The following TMEM117 variants were observed in gnomAD, a reference collection of about 807,000 sequenced individuals.
TMEM117 encodes transmembrane protein 117.
In TMEM117, 27 loss-of-function variants were observed where a neutral mutation model predicts 52.4. The observed-to-expected ratio is 0.51, with a 90% CI of 0.38 to 0.71. The LOEUF (loss-of-function observed/expected upper bound fraction) is 0.71. Ranked by LOEUF, TMEM117 falls within the 30% of genes least tolerant of loss-of-function variation. The pLI, the probability that TMEM117 is intolerant of heterozygous loss-of-function variation, is 0.00. For synonymous variants in TMEM117, 215 were observed against 206.3 expected (o/e 1.04, Z -0.36); for missense variants, 556 against 630.5 (o/e 0.88, Z 1.26).
intron 3 of TMEM117, among the ~76,000 whole-genome samples, chr12:44,077,768 A>G (rs1947405219): frequency 6.6e-6 from 1 of 151,510 alleles, no homozygotes; most frequent in Admixed American, 6.6e-5. Context: ...TTACTGCTTC[A>G]TTCTTTTGGC....
At chr12:44,311,769 GTATATATGTGTATATATGTATATATA>G (rs1950981674) in intron 6 of TMEM117, among the ~76,000 whole-genome samples, 1 of 122,080 alleles carries the variant, frequency 8.2e-6, no homozygotes, top group Non-Finnish European at 1.6e-5. Flanking sequence ...ATATATATAT[GTATATATGTGTATATATGTATATATA>G]TGTATATATG....
chr12:44,015,044 TG>T (rs781304126), intron 3 of TMEM117, among the ~76,000 whole-genome samples: 1 of 151,484 alleles, frequency 6.6e-6, no homozygotes, highest in Non-Finnish European at 1.5e-5. Context: ...AAAAAAAAAA[TG>T]GTGGCTACAG....
At chr12:44,177,076 G>A (rs1949125419) in intron 4 of TMEM117, among the ~76,000 whole-genome samples, 1 of 152,038 alleles carries the variant, frequency 6.6e-6, no homozygotes, top group South Asian at 2.1e-4. Flanking sequence ...CAAAAATCAA[G>A]CTACAAACCA....
At chr12:44,333,029 TAC>T (rs1258787008) in intron 6 of TMEM117, among the ~76,000 whole-genome samples, 1 of 152,100 alleles carries the variant, frequency 6.6e-6, no homozygotes, top group Admixed American at 6.6e-5. Context: ...ATATTTTTAT[TAC>T]AGTTTGATAA....
At chr12:44,174,833 G>A (rs955368070) in intron 4 of TMEM117, among the ~76,000 whole-genome samples, 41 of 152,234 alleles carry the variant, frequency 2.7e-4, no homozygotes, top group Non-Finnish European at 5.3e-4. Context: ...AAAAGAAGGA[G>A]GTCAAGTAAA....
intron 5 of TMEM117, 44 bp from the exon 6 acceptor site, chr12:44,299,536 A>G: frequency 1.2e-6 from 2 of 1,606,552 alleles, no homozygotes; most frequent in Non-Finnish European, 1.7e-6. Context: ...TAGTATCTAT[A>G]TTTTATGCCT....
chr12:43,797,305 T>C, the TMEM117 span: 1 of 1,591,318 alleles, frequency 6.3e-7, no homozygotes, highest in East Asian at 2.2e-5. Flanking sequence ...CATATACCTA[T>C]GGACTCTAAA....
intron 4 of TMEM117, among the ~76,000 whole-genome samples, chr12:44,171,120 A>G (rs2138283355): frequency 6.9e-6 from 1 of 145,518 alleles, no homozygotes; most frequent in Admixed American, 7.2e-5. Flanking sequence ...GGTTCACGCC[A>G]TTCTCCTGCC....
chr12:43,841,840 G>T (rs1370333206), intron 1 of TMEM117, among the ~76,000 whole-genome samples: 1 of 152,104 alleles, frequency 6.6e-6, no homozygotes, highest in Non-Finnish European at 1.5e-5. Context: ...TGATAGGAAT[G>T]ATAATAATGG....
intron 3 of TMEM117, among the ~76,000 whole-genome samples, chr12:44,086,870 G>A (rs1285154354): frequency 1.3e-5 from 2 of 150,712 alleles, no homozygotes; most frequent in African/African-American, 2.4e-5. Context: ...TGTTTCCATC[G>A]GACAGCAAAT....
chr12:44,118,505 A>G (rs900176552), intron 3 of TMEM117, among the ~76,000 whole-genome samples: 4 of 152,220 alleles, frequency 2.6e-5, no homozygotes, highest in African/African-American at 7.2e-5. Context: ...CAGCAATTGT[A>G]TAATAACCTC....
downstream of TMEM117, among the ~76,000 whole-genome samples, chr12:44,391,481 T>C (rs1275181330): frequency 1.3e-5 from 2 of 152,092 alleles, no homozygotes; most frequent in Non-Finnish European, 2.9e-5. Flanking sequence ...TTTTGTAGTA[T>C]CAGATTTCAC....
At chr12:44,114,199 G>A (rs1373368126) in intron 3 of TMEM117, among the ~76,000 whole-genome samples, 1 of 151,990 alleles carries the variant, frequency 6.6e-6, no homozygotes, top group African/African-American at 2.4e-5. Flanking sequence ...CTGTAGACCG[G>A]AGCTGTTCCT....
chr12:44,322,156 C>T (rs77126531), intron 6 of TMEM117, among the ~76,000 whole-genome samples: 2,038 of 152,284 alleles, frequency 0.013, 36 homozygotes, highest in African/African-American at 0.047. Context: ...AGATATCTAA[C>T]GGCCAACCAG....
At chr12:44,156,631 A>G (rs1029260289) in intron 4 of TMEM117, among the ~76,000 whole-genome samples, 3 of 152,098 alleles carry the variant, frequency 2.0e-5, no homozygotes, top group Non-Finnish European at 1.5e-5. Context: ...GAAGTTTGGC[A>G]TGGGAACATT....
At chr12:44,033,966 G>C (rs570769557) in intron 3 of TMEM117, among the ~76,000 whole-genome samples, 80 of 152,156 alleles carry the variant, frequency 5.3e-4, no homozygotes, top group Non-Finnish European at 1.0e-3. Flanking sequence ...TGGAGTTGTA[G>C]TGACTGTTTC....
intron 4 of TMEM117, among the ~76,000 whole-genome samples, chr12:44,194,340 G>A (rs1245519696): frequency 6.6e-6 from 1 of 152,150 alleles, no homozygotes; most frequent in African/African-American, 2.4e-5. Context: ...ATAATATTTG[G>A]GAAGGAGGGT....
chr12:43,862,314 G>A (rs754072693), intron 2 of TMEM117, among the ~76,000 whole-genome samples: 26 of 152,082 alleles, frequency 1.7e-4, no homozygotes, highest in Admixed American at 2.6e-4. Flanking sequence ...GACTACAGGC[G>A]CCCGCCACCA....
Position 43,983,496 on chromosome 12 carries a change from GT to G in TMEM117, c.410+39159del, listed in dbSNP as rs572490970. The stretch of plus-strand genomic sequence containing the variant: ...ATAGGTTGGTGCAAAAGTAATTGTG[GT>G]TTTTGCCATTACTTCCAGTGGCAAA... On this transcript the variant is annotated intron_variant, in intron 3 of 7. Coordinates refer to ENST00000266534, the MANE Select transcript of TMEM117 (RefSeq NM_032256.3). Among the ~76,000 whole-genome samples the G allele has an allele frequency of 1.5e-3, 211 of 136,836 alleles. 3 individuals are homozygous for G. Among genetic ancestry groups the G allele is most frequent in the African/African-American group, 5.3e-3 (196 of 37,302 alleles). 89.8% of individuals were successfully genotyped at this position (136,836 alleles called of 152,430 possible). A position where few individuals can be genotyped will look rare whatever the true frequency, so the allele number is the denominator to read the frequency against.
Sources: gnomAD v4.1 joint callset for allele counts (sites outside exome capture counted in the v4.1 genomes callset) on GRCh38, gnomAD v4.1.1 for gene constraint, MANE v1.5 for transcripts, NCBI Gene and HGNC (gene_info 2026-07-23, HGNC 2026-07-21) for gene names.